Variants in TBL1XR1 observed in about 807,000 individuals in gnomAD.
TBL1XR1 encodes TBL1X/Y related 1.
In TBL1XR1, 5 loss-of-function variants were observed where a neutral mutation model predicts 66.9. That is an observed-to-expected ratio of 0.07 (90% CI 0.04 to 0.16). TBL1XR1 has a LOEUF of 0.16. TBL1XR1 is among the 10% of genes least tolerant of loss of function. The pLI, the probability that TBL1XR1 is intolerant of heterozygous loss-of-function variation, is 1.00. For synonymous variants in TBL1XR1, 210 were observed against 206.0 expected (o/e 1.02, Z -0.17); for missense variants, 238 against 623.2 (o/e 0.38, Z 6.58).
intron 1 of TBL1XR1, among the ~76,000 whole-genome samples, chr3:177,134,634 T>C (rs904720658): frequency 6.6e-6 from 1 of 152,160 alleles, no homozygotes; most frequent in East Asian, 1.9e-4. Context: ...AAATACCCCA[T>C]TTAGCTGGTG....
upstream of TBL1XR1, among the ~76,000 whole-genome samples, chr3:177,198,573 C>T (rs527977299): frequency 6.6e-6 from 1 of 152,170 alleles, no homozygotes; most frequent in South Asian, 2.1e-4. Flanking sequence ...GGTTTTAAAG[C>T]AAATGGGGTG....
At chr3:177,053,632 T>TA in intron 4 of TBL1XR1, 141 bp downstream of exon 4, 7 of 762,094 alleles carry the variant, frequency 9.2e-6, no homozygotes. Context: ...GCAACCTGAC[T>TA]ACCACATTAG....
chr3:177,196,016 T>C (rs933490027), intron 1 of TBL1XR1, among the ~76,000 whole-genome samples: 1 of 152,146 alleles, frequency 6.6e-6, no homozygotes, highest in Admixed American at 6.6e-5. Context: ...TTAGATAACC[T>C]AACAAAGAGA....
rs540444991 is a variant in TBL1XR1 at position 177,062,132 on chromosome 3, T to C, written c.58+2788A>G. Among the ~76,000 whole-genome samples, 6 of 152,326 alleles carry C rather than the reference T, an allele frequency of 3.9e-5. No homozygotes were observed. The South Asian group carries it at 1.2e-3, about 32-fold the overall frequency. Reference sequence around the variant, plus strand: ...ACGCCTCATTATTTCTGCTATCTCATTATTCCGCCTGACCCACAAACACAA... The same window carrying C: ...ACGCCTCATTATTTCTGCTATCTCACTATTCCGCCTGACCCACAAACACAA... On this transcript the variant is annotated intron_variant, in intron 3 of 15. Transcript: ENST00000457928.
chr3:177,050,663 G>A (rs1716942032), intron 5 of TBL1XR1, 53 bp from the exon 6 acceptor site: 3 of 1,600,706 alleles, frequency 1.9e-6, no homozygotes, highest in Non-Finnish European at 1.7e-6. Flanking sequence ...TTACAACATG[G>A]TGGATGGGTG....
chr3:177,091,892 A>G (rs1278243064), intron 2 of TBL1XR1, among the ~76,000 whole-genome samples: 1 of 152,222 alleles, frequency 6.6e-6, no homozygotes, highest in Non-Finnish European at 1.5e-5. Context: ...AATGTTACAC[A>G]TAATAAAAGC....
At chr3:177,124,032 GTC>G (rs950438722) in intron 1 of TBL1XR1, among the ~76,000 whole-genome samples, 1 of 152,040 alleles carries the variant, frequency 6.6e-6, no homozygotes, top group African/African-American at 2.4e-5. Context: ...TGTTGCTAGT[GTC>G]TCTCATTCTC....
At chr3:177,133,974 G>A (rs1728613421) in intron 1 of TBL1XR1, among the ~76,000 whole-genome samples, 1 of 151,142 alleles carries the variant, frequency 6.6e-6, no homozygotes, top group Admixed American at 6.6e-5. Flanking sequence ...AAACTACACA[G>A]CTTCTTCTGC....
intron 1 of TBL1XR1, among the ~76,000 whole-genome samples, chr3:177,162,482 A>ATAAATTTTCTAATTTATG (rs1301857302): frequency 3.9e-5 from 6 of 152,252 alleles, no homozygotes; most frequent in Admixed American, 1.3e-4. Flanking sequence ...TTATGGTAAC[A>ATAAATTTTCTAATTTATG]GAAATTAGAA....
At position 177,034,182 on chromosome 3, in the gene TBL1XR1, G is replaced by GA. The variant is rs780032078; in HGVS notation, c.1250+15dup. 3 of 1,595,274 alleles carry GA rather than the reference G, an allele frequency of 1.9e-6. No homozygotes were observed. The highest frequency in any genetic ancestry group is 2.6e-6 in the Non-Finnish European group (3 of 1,174,190). ...GTAGAAGACTCATAAAAGGAAAAAT[G>GA]AAACAGAAGTATCACCTTGCTAACA... is the stretch of plus-strand genomic sequence containing the variant. On this transcript the variant is annotated intron_variant, in intron 13 of 15. Transcript: ENST00000457928.
At chr3:177,033,713 A>C (rs1281128713) in intron 13 of TBL1XR1, among the ~76,000 whole-genome samples, 1 of 152,212 alleles carries the variant, frequency 6.6e-6, no homozygotes, top group Non-Finnish European at 1.5e-5. Context: ...GATAAAGAAA[A>C]TGTGGTATAC....
chr3:177,152,139 G>T (rs1020370203), intron 1 of TBL1XR1, among the ~76,000 whole-genome samples: 1 of 152,178 alleles, frequency 6.6e-6, no homozygotes, highest in Non-Finnish European at 1.5e-5. Flanking sequence ...TAGAAGTTTA[G>T]ATTATTCAGC....
At chr3:177,139,649 A>C (rs1729405235) in intron 1 of TBL1XR1, among the ~76,000 whole-genome samples, 1 of 139,328 alleles carries the variant, frequency 7.2e-6, no homozygotes, top group African/African-American at 2.7e-5. Context: ...AAGTAAAGCA[A>C]AAAAACCCAA....
At chr3:177,145,800 C>T (rs142703299) in intron 1 of TBL1XR1, among the ~76,000 whole-genome samples, 93 of 152,334 alleles carry the variant, frequency 6.1e-4, no homozygotes, top group African/African-American at 2.1e-3. Context: ...TATTGGTTAT[C>T]TTCTCCAGGT....
intron 1 of TBL1XR1, among the ~76,000 whole-genome samples, chr3:177,112,937 A>G (rs1162692917): frequency 6.6e-6 from 1 of 152,014 alleles, no homozygotes; most frequent in Non-Finnish European, 1.5e-5. Context: ...TGAAAGGCGG[A>G]GGGAGGCAGA....
intron 2 of TBL1XR1, among the ~76,000 whole-genome samples, chr3:177,066,147 G>GT: frequency 6.6e-6 from 1 of 152,078 alleles, no homozygotes; most frequent in African/African-American, 2.4e-5. Context: ...TTATGATACA[G>GT]TTAGCAGATT....
At chr3:177,129,482 AAAAC>A (rs1728029308) in intron 1 of TBL1XR1, among the ~76,000 whole-genome samples, 1 of 152,212 alleles carries the variant, frequency 6.6e-6, no homozygotes. Flanking sequence ...AATGCTGAGA[AAAAC>A]AAGCCATAAA....
At chr3:177,040,174 G>A (rs2108445598) in intron 10 of TBL1XR1, among the ~76,000 whole-genome samples, 1 of 152,224 alleles carries the variant, frequency 6.6e-6, no homozygotes, top group Admixed American at 6.5e-5. Context: ...AATTAGCCAG[G>A]TGTAGTGGTC....
intron 12 of TBL1XR1, 125 bp downstream of exon 12, chr3:177,037,973 T>C (rs1437088168): frequency 2.8e-6 from 2 of 703,608 alleles, no homozygotes; most frequent in Non-Finnish European, 4.7e-6. Flanking sequence ...CCATTTAAAA[T>C]GTTGGAGTTT....
Sources: gnomAD v4.1 joint callset for allele counts (sites outside exome capture counted in the v4.1 genomes callset) on GRCh38, gnomAD v4.1.1 for gene constraint, MANE v1.5 for transcripts, NCBI Gene and HGNC (gene_info 2026-07-23, HGNC 2026-07-21) for gene names.